The following TARS1 variants were observed in gnomAD, a reference collection of about 807,000 sequenced individuals.
The protein encoded by TARS1 is threonyl-tRNA synthetase 1.
A neutral mutation model predicts 97.7 loss-of-function variants in TARS1; 57 were observed. That is an observed-to-expected ratio of 0.58 (90% CI 0.47 to 0.73). The LOEUF is 0.73. TARS1 is among the 30% of genes least tolerant of loss of function. The pLI is 0.00. For missense variants in TARS1, 806 were observed against 888.3 expected (o/e 0.91, Z 1.18); for synonymous variants, 312 against 293.7 (o/e 1.06, Z -0.64).
At chr5:33,440,783 G>A (rs1308465030), upstream of TARS1, 2 of 495,688 alleles carry the variant, frequency 4.0e-6, no homozygotes, top group Non-Finnish European at 7.2e-6. Flanking sequence ...CAAGGTCAGC[G>A]GAGAGTAGGC....
intron 1 of TARS1, among the ~76,000 whole-genome samples, chr5:33,443,556 G>T (rs1002193353): frequency 1.3e-5 from 2 of 149,028 alleles, no homozygotes; most frequent in African/African-American, 5.0e-5. Context: ...GCAGTGGCGC[G>T]ATCTCTGCTC....
intron 12 of TARS1, 36 bp downstream of exon 12, chr5:33,461,100 G>C: frequency 6.2e-7 from 1 of 1,606,896 alleles, no homozygotes; most frequent in South Asian, 1.1e-5. Flanking sequence ...TTAGAAAGAA[G>C]AGTCAAGAAA....
intron 1 of TARS1, chr5:33,441,457 G>A (rs775046499): frequency 6.3e-6 from 2 of 317,508 alleles, no homozygotes; most frequent in African/African-American, 2.1e-5. Flanking sequence ...CAGAATCTTA[G>A]GCTTGAGGCT....
rs1458823612 is a variant in TARS1, at chr5:33,457,146, G to T, written c.838-111G>T. On this transcript the variant is annotated intron_variant, in intron 8 of 18. Coordinates refer to ENST00000265112, the MANE Select transcript of TARS1 (RefSeq NM_152295.5). Reference sequence around the variant, plus strand: ...TTGAGGATAGAAAACAGCCAACTTTGTGCTGCAGAATGAGTAACTACTCTA... The same window carrying T: ...TTGAGGATAGAAAACAGCCAACTTTTTGCTGCAGAATGAGTAACTACTCTA... 6 of 1,297,646 alleles carry T rather than the reference G, an allele frequency of 4.6e-6. No individual in the cohort carries two copies. In the Admixed American group the frequency reaches 1.4e-4, roughly 30 times the overall value. 80.4% of individuals were successfully genotyped at this position (1,297,646 alleles called of 1,614,324 possible).
chr5:33,467,293 T>G (rs1486836060), intron 18 of TARS1, among the ~76,000 whole-genome samples: 1 of 152,158 alleles, frequency 6.6e-6, no homozygotes, highest in African/African-American at 2.4e-5. Flanking sequence ...ATGCCTTATG[T>G]GGGATTACTT....
At chr5:33,447,320 C>T (rs1312921012) in intron 2 of TARS1, among the ~76,000 whole-genome samples, 1 of 152,180 alleles carries the variant, frequency 6.6e-6, no homozygotes, top group African/African-American at 2.4e-5. Flanking sequence ...AATCTTGGCT[C>T]ACTGCAACCT....
At chr5:33,451,624 C>T (rs12187755) in intron 3 of TARS1, among the ~76,000 whole-genome samples, 31,841 of 152,124 alleles carry the variant, frequency 0.21, 3,713 homozygotes, top group East Asian at 0.5. Context: ...CCACCCGCCT[C>T]GGCCTCCCAA....
chr5:33,445,287 A>G, intron 1 of TARS1, 37 bp from the exon 2 acceptor site: 2 of 1,540,250 alleles, frequency 1.3e-6, no homozygotes, highest in South Asian at 1.2e-5. Context: ...GAGGTGTCAC[A>G]TTAGATTAAA....
Position 33,440,974 on chromosome 5 carries a change from A to G in TARS1, c.-113A>G. 2.2e-6 allele frequency: 3 copies of G among 1,351,220 alleles called. No homozygotes were observed. The highest frequency in any genetic ancestry group is 3.1e-6 in the Non-Finnish European group (3 of 965,016). 83.7% of individuals were successfully genotyped at this position (1,351,220 alleles called of 1,614,324 possible). On this transcript the variant is annotated 5_prime_UTR_variant, in exon 1 of 19. Coordinates refer to ENST00000265112, the MANE Select transcript of TARS1 (RefSeq NM_152295.5). Reference sequence around the variant, plus strand: ...GGTTAGGGCGCCTTTCGATTGCATCAGCTGGTCCAGCCGAGGCCAAGTCCC... The same window carrying G: ...GGTTAGGGCGCCTTTCGATTGCATCGGCTGGTCCAGCCGAGGCCAAGTCCC...
chr5:33,440,999 C>T lies in TARS1; in HGVS notation c.-88C>T, dbSNP rs1406990203. On this transcript the variant is annotated 5_prime_UTR_variant, in exon 1 of 19. Transcript: ENST00000265112. ...AGCTGGTCCAGCCGAGGCCAAGTCC[C>T]GGGCGCTAGCCCACCTCCCACCCGC... is the stretch of plus-strand genomic sequence containing the variant. 3.8e-6 allele frequency: 6 copies of T among 1,558,864 alleles called. No homozygotes were observed. Among genetic ancestry groups the T allele is most frequent in the Non-Finnish European group, 5.3e-6 (6 of 1,135,678 alleles).
In TARS1 at chr5:33,461,148, T is replaced by A. The variant is rs899649176; in HGVS notation, c.1414-10T>A. 1 of 1,601,932 alleles carries A rather than the reference T, an allele frequency of 6.2e-7. No individual in the cohort carries two copies. Among genetic ancestry groups the A allele is most frequent in the Non-Finnish European group, 8.5e-7 (1 of 1,174,834 alleles). On this transcript the variant is annotated splice_polypyrimidine_tract_variant and intron_variant, in intron 12 of 18. Transcript: ENST00000265112. ...AACTACTGTTTCTTTTTTTGTTTTT[T>A]AATTTGAAGATTGAAGATGAAATAA...
chr5:33,462,204 G>T lies in TARS1; in HGVS notation c.1835+1G>T. On this transcript the variant is annotated splice_donor_variant, in intron 16 of 18. Transcript: ENST00000265112. LOFTEE classifies it high-confidence loss of function. Reference sequence around the variant, plus strand: ...TCACAGAAAACTATGGGGGCAAATGGTAATTTTTGTCACTGTCTTTTTTTT... The same window carrying T: ...TCACAGAAAACTATGGGGGCAAATGTTAATTTTTGTCACTGTCTTTTTTTT... The T allele has an allele frequency of 6.2e-7, 1 of 1,609,486 alleles. No individual in the cohort carries two copies. Among genetic ancestry groups the T allele is most frequent in the Non-Finnish European group, 8.5e-7 (1 of 1,178,612 alleles).
At chr5:33,463,894 C>T in intron 17 of TARS1, 69 bp downstream of exon 17, 2 of 1,362,726 alleles carry the variant, frequency 1.5e-6, no homozygotes, top group Non-Finnish European at 2.1e-6. Context: ...CACATAAGCC[C>T]TGTATTCTTG....
chr5:33,463,767 C>A lies in TARS1; in HGVS notation c.1850C>A (p.Ser617Tyr). Residue 617 changes from serine to tyrosine, a missense_variant, in exon 17 of 19, where the codon TCC (serine) becomes TAC (tyrosine). This residue lies in a region of TARS1 where 446 missense variants were observed against 511.0 expected (regional missense o/e 0.87). Coordinates refer to ENST00000265112, the MANE Select transcript of TARS1 (RefSeq NM_152295.5). The stretch of plus-strand genomic sequence containing the variant: ...CTCTTCCAAAGGCCCTTTTGGCTGT[C>A]CCCTCGCCAGGTAATGGTAGTTCCA... ...NYGGKWPFWLSPRQVMVVPVG... is the reference protein window; with the variant it reads ...NYGGKWPFWLYPRQVMVVPVG... 7 of 1,612,124 alleles carry A rather than the reference C, an allele frequency of 4.3e-6. No individual in the cohort carries two copies. The highest frequency in any genetic ancestry group is 5.9e-6 in the Non-Finnish European group (7 of 1,179,048).
intron 17 of TARS1, 79 bp downstream of exon 17, chr5:33,463,904 G>T: frequency 8.1e-7 from 1 of 1,230,350 alleles, no homozygotes; most frequent in South Asian, 1.3e-5. Context: ...CTGTATTCTT[G>T]GTGAATCGAG....
intron 4 of TARS1, 95 bp from the exon 5 acceptor site, chr5:33,454,847 TGTA>T: frequency 2.1e-6 from 3 of 1,415,420 alleles, no homozygotes; most frequent in Non-Finnish European, 2.8e-6. Flanking sequence ...TGGGTTTACT[TGTA>T]GTAAATATTA....
Position 33,454,998 on chromosome 5 carries a change from T to C in TARS1, c.507T>C (p.Tyr169=). The C allele has an allele frequency of 4.3e-6, 7 of 1,613,868 alleles. No individual in the cohort carries two copies. The highest frequency in any genetic ancestry group is 5.9e-6 in the Non-Finnish European group (7 of 1,179,886). The change falls in exon 5 of 19, where the codon TAT becomes TAC. Residue 169 remains tyrosine (Y), a synonymous_variant. Coordinates refer to ENST00000265112, the MANE Select transcript of TARS1 (RefSeq NM_152295.5). The part of the protein sequence containing the change: ...HIMGEAMERV[Y]GGCLCYGPPI... ...TGGGTGAAGCCATGGAAAGAGTCTA[T>C]GGTGGATGTTTATGCTACGGTCCGC...
intron 3 of TARS1, among the ~76,000 whole-genome samples, chr5:33,450,675 A>G (rs1407673394): frequency 2.0e-5 from 3 of 152,214 alleles, no homozygotes; most frequent in Admixed American, 6.5e-5. Context: ...TTGTCACACA[A>G]TGAGATTGTA....
chr5:33,443,817 A>G (rs972156760), intron 1 of TARS1, among the ~76,000 whole-genome samples: 5 of 152,178 alleles, frequency 3.3e-5, no homozygotes, highest in African/African-American at 1.2e-4. Flanking sequence ...TTTACCCAGT[A>G]TACTTGATCA....
Sources: allele counts gnomAD v4.1 joint callset (sites outside exome capture counted in the v4.1 genomes callset), GRCh38; gene constraint gnomAD v4.1.1; regional missense constraint gnomAD v4.1.1; transcripts MANE v1.5; gene names NCBI Gene and HGNC (gene_info 2026-07-23, HGNC 2026-07-21).